The following ENOX1 variants were observed in gnomAD, a reference collection of about 807,000 sequenced individuals.
The protein encoded by ENOX1 is candidate growth-related and time keeping constitutive hydroquinone (NADH) oxidase.
In ENOX1, 42 loss-of-function variants were observed where a neutral mutation model predicts 82.5. That is an observed-to-expected ratio of 0.51 (90% confidence interval 0.40 to 0.66). ENOX1 has a LOEUF of 0.66. Ranked by LOEUF, ENOX1 falls within the 30% of genes least tolerant of loss-of-function variation. ENOX1 has a pLI of 0.00. For missense variants in ENOX1, 608 were observed against 811.6 expected, an observed-to-expected ratio of 0.75 and a Z score of 3.05; for synonymous variants, 271 against 282.2, an observed-to-expected ratio of 0.96 and a Z score of 0.40.
intron 2 of ENOX1, among the ~76,000 whole-genome samples, chr13:43,576,810 A>G (rs2080447787): frequency 6.6e-6 from 1 of 152,226 alleles, no homozygotes; most frequent in Non-Finnish European, 1.5e-5. Context: ...GTTAGATTAT[A>G]AACTCCATGA....
At chr13:43,604,105 T>C (rs1320969487) in intron 2 of ENOX1, among the ~76,000 whole-genome samples, 8 of 151,384 alleles carry the variant, frequency 5.3e-5, no homozygotes, top group Non-Finnish European at 7.4e-5. Context: ...TGGTATCTCA[T>C]TGTGGTTTTG....
intron 2 of ENOX1, among the ~76,000 whole-genome samples, chr13:43,610,749 GTTTT>G (rs5803192): frequency 2.0e-4 from 30 of 149,754 alleles, no homozygotes; most frequent in African/African-American, 5.1e-4. Flanking sequence ...ATTTCCCATA[GTTTT>G]TTTTTTTTTT....
chr13:43,216,559 T>C (rs972299911), intron 16 of ENOX1, among the ~76,000 whole-genome samples: 3 of 151,802 alleles, frequency 2.0e-5, no homozygotes, highest in Admixed American at 6.6e-5. Context: ...TCTCAAAGAG[T>C]TCCCTTCTTT....
Position 43,361,461 on chromosome 13 carries a change from T to C in ENOX1, c.209-9A>G. On this transcript the variant is annotated splice_polypyrimidine_tract_variant and intron_variant, in intron 5 of 16. Coordinates refer to ENST00000690772, the MANE Select transcript of ENOX1 (RefSeq NM_001347969.2). ...TGGGACACAGATTGAGTCTGTAAAG[T>C]ATACAAGATAACATTTTGACTGGAG... 6.3e-7 allele frequency: 1 copy of C among 1,591,312 alleles called. No individual in the cohort carries two copies. The highest frequency in any genetic ancestry group is 8.5e-7 in the Non-Finnish European group (1 of 1,174,344).
intron 1 of ENOX1, among the ~76,000 whole-genome samples, chr13:43,692,452 T>C (rs995688471): frequency 2.0e-5 from 3 of 151,972 alleles, no homozygotes; most frequent in Non-Finnish European, 2.9e-5. Context: ...AGCTTTTCAA[T>C]TGGGAAAAAA....
intron 3 of ENOX1, among the ~76,000 whole-genome samples, chr13:43,462,548 ATAAAT>A (rs1480575205): frequency 4.6e-5 from 7 of 152,188 alleles, no homozygotes; most frequent in Non-Finnish European, 7.3e-5. Context: ...TTAATCAGAG[ATAAAT>A]TAAATTAGGC....
chr13:43,569,014 G>T (rs1014639178), intron 2 of ENOX1, among the ~76,000 whole-genome samples: 1 of 152,074 alleles, frequency 6.6e-6, no homozygotes, highest in Non-Finnish European at 1.5e-5. Context: ...AATGTTTGTT[G>T]AATCTTTGGT....
intron 3 of ENOX1, among the ~76,000 whole-genome samples, chr13:43,467,362 G>A (rs1206922910): frequency 1.3e-5 from 2 of 151,992 alleles, no homozygotes; most frequent in South Asian, 2.1e-4. Flanking sequence ...ATAGTAATTC[G>A]ACAGACAGTT....
intron 2 of ENOX1, among the ~76,000 whole-genome samples, chr13:43,634,364 A>G (rs2083334610): frequency 6.6e-6 from 1 of 152,192 alleles, no homozygotes; most frequent in Admixed American, 6.5e-5. Context: ...GCTTCCAGTT[A>G]CATACTTGGA....
At chr13:43,662,256 C>T (rs1309829959) in intron 2 of ENOX1, among the ~76,000 whole-genome samples, 3 of 152,140 alleles carry the variant, frequency 2.0e-5, no homozygotes, top group Non-Finnish European at 4.4e-5. Flanking sequence ...GTCTTTTGAG[C>T]TCAGTGGCAA....
rs187931619 is a variant in ENOX1, at chr13:43,651,434, G to A, written c.-219+16045C>T. Among the ~76,000 whole-genome samples, 939 of 152,184 alleles carry A rather than the reference G, an allele frequency of 6.2e-3. 8 individuals are homozygous for A. The highest frequency in any genetic ancestry group is 0.022 in the African/African-American group (908 of 41,508). On this transcript the variant is annotated intron_variant, in intron 2 of 16. Transcript: ENST00000690772. ...TTTGAGGCCGGGCATGTTGGCTCTT[G>A]CCTGTAATCCCAGCACTTTGGGAGG...
intron 1 of ENOX1, among the ~76,000 whole-genome samples, chr13:43,776,878 T>TC: frequency 6.6e-6 from 1 of 151,008 alleles, no homozygotes; most frequent in South Asian, 2.1e-4. Flanking sequence ...CACCAGTGCC[T>TC]CCCAAGGGTA....
chr13:43,774,604 G>C (rs1951813884), intron 1 of ENOX1, among the ~76,000 whole-genome samples: 1 of 152,152 alleles, frequency 6.6e-6, no homozygotes, highest in Non-Finnish European at 1.5e-5. Context: ...CTTTTCCATT[G>C]TCAGTTCACT....
chr13:43,516,513 C>G (rs533210543), intron 2 of ENOX1, among the ~76,000 whole-genome samples: 48 of 152,142 alleles, frequency 3.2e-4, no homozygotes, highest in Non-Finnish European at 5.9e-4. Flanking sequence ...ATTTTGAGAA[C>G]TCTGCTCTCC....
At chr13:43,377,559 C>T (rs900738909) in intron 5 of ENOX1, among the ~76,000 whole-genome samples, 3 of 152,148 alleles carry the variant, frequency 2.0e-5, no homozygotes, top group Admixed American at 6.5e-5. Flanking sequence ...GAATTACCCT[C>T]TGAGTAAAAA....
chr13:43,651,611 C>T (rs374476858), intron 2 of ENOX1, among the ~76,000 whole-genome samples: 2 of 149,854 alleles, frequency 1.3e-5, no homozygotes, highest in East Asian at 2.0e-4. Flanking sequence ...GCAGGAGAAT[C>T]GCTTGGACCC....
At chr13:43,377,968 T>C (rs1164426526) in intron 5 of ENOX1, among the ~76,000 whole-genome samples, 1 of 152,192 alleles carries the variant, frequency 6.6e-6, no homozygotes, top group Admixed American at 6.5e-5. Context: ...CCAAGACCTA[T>C]CATTTGTTAA....
rs553504525 is a variant in ENOX1, at chr13:43,541,173, GTTTTT to G, written c.-218-57026_-218-57022del. ...CTCCAACCTTACACTTCTTCCCTCT[GTTTTT>G]TTTTTTTTTTTTTTTTTTTTGCTAA... is the stretch of plus-strand genomic sequence containing the variant. On this transcript the variant is annotated intron_variant, in intron 2 of 16. Coordinates refer to ENST00000690772, the MANE Select transcript of ENOX1 (RefSeq NM_001347969.2). Among the ~76,000 whole-genome samples the G allele has an allele frequency of 5.1e-4, 33 of 64,574 alleles. 1 individual carries two copies. Among genetic ancestry groups the G allele is most frequent in the South Asian group, 1.4e-3 (1 of 738 alleles). The allele number at this position is 64,574 out of a possible 152,430, so 42.4% of individuals were successfully genotyped here.
chr13:43,782,118 GA>G (rs1169408132), intron 1 of ENOX1, among the ~76,000 whole-genome samples: 1 of 152,090 alleles, frequency 6.6e-6, no homozygotes, highest in Non-Finnish European at 1.5e-5. Flanking sequence ...TCATAGGAAT[GA>G]AAAGTGACAA....
Sources: gnomAD v4.1 joint callset for allele counts (sites outside exome capture counted in the v4.1 genomes callset) on GRCh38, gnomAD v4.1.1 for gene constraint, MANE v1.5 for transcripts, NCBI Gene and HGNC (gene_info 2026-07-23, HGNC 2026-07-21) for gene names.